The following FRY variants were observed in gnomAD, a reference collection of about 807,000 sequenced individuals.
FRY encodes protein furry homolog.
In FRY, 128 loss-of-function variants were observed where a neutral mutation model predicts 348.4. The ratio of observed to expected loss-of-function variants is 0.37; its 90% confidence interval spans 0.32 to 0.43. The LOEUF (loss-of-function observed/expected upper bound fraction) is 0.43, where lower values mean the gene tolerates loss of function less well. Among genes scored for constraint, FRY ranks in the 20% least tolerant of loss-of-function variants. FRY has a pLI of 1.00. For synonymous variants in FRY, 1,370 were observed against 1,374.7 expected, an observed-to-expected ratio of 1.00 and a Z score of 0.08; for missense variants, 2,736 against 3,695.2, an observed-to-expected ratio of 0.74 and a Z score of 6.73.
At chr13:32,207,358 C>A (rs1047776142) in intron 31 of FRY, among the ~76,000 whole-genome samples, 32 of 152,152 alleles carry the variant, frequency 2.1e-4, no homozygotes, top group African/African-American at 7.7e-4. Flanking sequence ...ACCACCGAAC[C>A]CCCAAAGCAC....
chr13:32,268,923 A>G (rs1888079177), intron 55 of FRY, among the ~76,000 whole-genome samples: 1 of 152,222 alleles, frequency 6.6e-6, no homozygotes, highest in African/African-American at 2.4e-5. Flanking sequence ...ACTCCCACGG[A>G]TAATGCAAAG....
rs1881176199 is a variant in FRY at position 32,157,352 on chromosome 13, T to C, written c.1731T>C (p.Cys577=). 2 of 1,612,916 alleles carry C rather than the reference T, an allele frequency of 1.2e-6. No homozygotes were observed. Among genetic ancestry groups the C allele is most frequent in the South Asian group, 1.1e-5 (1 of 91,074 alleles). ...ACCTTGATAAAGAAGTAGGAAGGTG[T>C]ATGATGCTGACTAATGTACAGATGT... is the stretch of plus-strand genomic sequence containing the variant. ...LRHLDKEVGR[C]MMLTNVQMLN... The change falls in exon 16 of 61, where the codon TGT becomes TGC. Residue 577 remains cysteine, a synonymous_variant. Coordinates refer to ENST00000542859, the MANE Select transcript of FRY (RefSeq NM_023037.3).
At chr13:32,073,759 GGT>G (rs1271731917) in intron 1 of FRY, among the ~76,000 whole-genome samples, 5 of 152,084 alleles carry the variant, frequency 3.3e-5, no homozygotes, top group Non-Finnish European at 7.4e-5. Flanking sequence ...AATGAAAGAT[GGT>G]ATTACTTCTC....
At chr13:32,070,591 T>C (rs2138493353) in intron 1 of FRY, among the ~76,000 whole-genome samples, 1 of 152,044 alleles carries the variant, frequency 6.6e-6, no homozygotes, top group East Asian at 1.9e-4. Context: ...TTTGTTTAAG[T>C]TCTTTGTAGA....
chr13:32,233,386 G>A (rs996876538), intron 41 of FRY, among the ~76,000 whole-genome samples: 1 of 152,190 alleles, frequency 6.6e-6, no homozygotes, highest in Non-Finnish European at 1.5e-5. Flanking sequence ...CCTACAGAGA[G>A]GCACAGCAAG....
In FRY at chr13:32,201,324, A is replaced by AC. The variant is rs1311390200; in HGVS notation, c.3747-611dup. Among the ~76,000 whole-genome samples, 61 of 151,966 alleles carry AC rather than the reference A, an allele frequency of 4.0e-4. 2 individuals are homozygous for AC. The highest frequency in any genetic ancestry group is 1.8e-4 in the Non-Finnish European group (12 of 67,946). On this transcript the variant is annotated intron_variant, in intron 29 of 60. Transcript: ENST00000542859. ...TTTCCTCTTCAGAAAAGACTTCTCTACCCCCCATCTAATGTAGGTGTCCCT... is the reference window on the plus strand; with the variant it reads ...TTTCCTCTTCAGAAAAGACTTCTCTACCCCCCCATCTAATGTAGGTGTCCCT...
At chr13:32,106,419 A>T (rs1877555280) in intron 3 of FRY, among the ~76,000 whole-genome samples, 1 of 152,078 alleles carries the variant, frequency 6.6e-6, no homozygotes, top group South Asian at 2.1e-4. Flanking sequence ...CAGGTAAAGG[A>T]TCTAAAATCT....
intron 40 of FRY, 145 bp downstream of exon 40, chr13:32,228,799 TG>T: frequency 1.3e-6 from 1 of 748,440 alleles, no homozygotes; most frequent in Non-Finnish European, 2.4e-6. Flanking sequence ...CTGGAGTCTG[TG>T]TGAACAGACA....
intron 41 of FRY, 56 bp from the exon 42 acceptor site, chr13:32,234,518 T>C (rs1205968189): frequency 8.8e-6 from 13 of 1,483,466 alleles, no homozygotes; most frequent in Non-Finnish European, 1.2e-5. Flanking sequence ...GTAACTTTGA[T>C]GCCCCAGAGC....
chr13:32,252,742 G>A (rs1210872846), intron 50 of FRY, among the ~76,000 whole-genome samples: 1 of 149,146 alleles, frequency 6.7e-6, no homozygotes, highest in African/African-American at 2.5e-5. Context: ...TTCATGAGCA[G>A]GTGAAATATT....
intron 1 of FRY, among the ~76,000 whole-genome samples, chr13:32,051,247 T>C (rs947945316): frequency 1.3e-5 from 2 of 152,126 alleles, no homozygotes; most frequent in Non-Finnish European, 2.9e-5. Context: ...AAGTGGGACT[T>C]TTACAAGGTC....
intron 15 of FRY, among the ~76,000 whole-genome samples, chr13:32,156,008 T>C (rs1881082975): frequency 6.6e-6 from 1 of 152,214 alleles, no homozygotes; most frequent in Non-Finnish European, 1.5e-5. Flanking sequence ...TCTCCTTCTT[T>C]TTTCTTTAGT....
intron 35 of FRY, among the ~76,000 whole-genome samples, chr13:32,216,847 T>C (rs912001518): frequency 3.3e-5 from 5 of 152,216 alleles, no homozygotes; most frequent in African/African-American, 9.6e-5. Flanking sequence ...CCAAAAGATA[T>C]AACAGTGAAG....
At chr13:32,139,418 A>G (rs992721387) in intron 11 of FRY, among the ~76,000 whole-genome samples, 2 of 152,126 alleles carry the variant, frequency 1.3e-5, no homozygotes, top group African/African-American at 2.4e-5. Context: ...CCACATGCTG[A>G]CCTTTGGTAG....
chr13:32,081,894 C>T (rs551560187), intron 2 of FRY, among the ~76,000 whole-genome samples: 3 of 152,244 alleles, frequency 2.0e-5, no homozygotes, highest in Non-Finnish European at 2.9e-5. Context: ...TCTACTATTT[C>T]TCTTGTTGAG....
intron 46 of FRY, among the ~76,000 whole-genome samples, 174 bp from the exon 47 acceptor site, chr13:32,243,868 G>A (rs1250700446): frequency 6.6e-6 from 1 of 152,124 alleles, no homozygotes; most frequent in Non-Finnish European, 1.5e-5. Context: ...GAGGCAGGAG[G>A]ATCTCTTGAG....
intron 2 of FRY, among the ~76,000 whole-genome samples, chr13:32,090,950 C>A (rs1876260453): frequency 6.6e-6 from 1 of 152,058 alleles, no homozygotes. Context: ...CCAACATATT[C>A]TTCCAGATTT....
intron 2 of FRY, among the ~76,000 whole-genome samples, chr13:32,086,410 A>G (rs1875864649): frequency 6.6e-6 from 1 of 152,228 alleles, no homozygotes; most frequent in Admixed American, 6.5e-5. Flanking sequence ...TCTAGTGTAT[A>G]AAACAAATGA....
At position 32,298,452 on chromosome 13, in the gene FRY, C is replaced by G. The variant is rs562663390; in HGVS notation, c.*2992C>G. On this transcript the variant is annotated 3_prime_UTR_variant, in exon 61 of 61. Transcript: ENST00000542859. ...TCATGACCCAGGATATTTCTTTGTT[C>G]AGCAAATATTTATTGCATGCCCACT... 2.6e-5 allele frequency: 4 copies of G among 152,226 alleles called. No individual in the cohort carries two copies. Among genetic ancestry groups the G allele is most frequent in the Non-Finnish European group, 5.9e-5 (4 of 68,040 alleles). The allele number at this position is 152,226 out of a possible 1,614,324, so 9.4% of individuals were successfully genotyped here. A position where few individuals can be genotyped will look rare whatever the true frequency, so the allele number is the denominator to read the frequency against.
Sources: gnomAD v4.1 joint callset for allele counts (sites outside exome capture counted in the v4.1 genomes callset) on GRCh38, gnomAD v4.1.1 for gene constraint, MANE v1.5 for transcripts, NCBI Gene and HGNC (gene_info 2026-07-23, HGNC 2026-07-21) for gene names.